The following TNR variants were observed in gnomAD, a reference collection of about 807,000 sequenced individuals.
The protein encoded by TNR is tenascin R, also known as tenascin-R.
In TNR, 45 loss-of-function variants were observed where a neutral mutation model predicts 150.4. The ratio of observed to expected loss-of-function variants is 0.30; its 90% CI spans 0.24 to 0.38. TNR has a LOEUF of 0.38. TNR is among the 10% of genes least tolerant of loss of function. TNR has a pLI of 1.00. For missense variants in TNR, 1,544 were observed against 1,759.1 expected (o/e 0.88, Z 2.19); for synonymous variants, 687 against 678.4 (o/e 1.01, Z -0.20).
chr1:175,698,214 C>T (rs1209464315), intron 1 of TNR, among the ~76,000 whole-genome samples: 3 of 152,154 alleles, frequency 2.0e-5, no homozygotes, highest in African/African-American at 7.2e-5. Context: ...TCAAACATAC[C>T]ACATGTCGGG....
chr1:175,480,309 GAAGA>G (rs757873928), intron 2 of TNR, among the ~76,000 whole-genome samples: 1 of 147,082 alleles, frequency 6.8e-6, no homozygotes, highest in African/African-American at 2.5e-5. Flanking sequence ...AAAAAATGAG[GAAGA>G]AAGAAAGAGA....
chr1:175,686,463 CT>C (rs139264272), intron 1 of TNR, among the ~76,000 whole-genome samples: 3,876 of 152,280 alleles, frequency 0.025, 167 homozygotes, highest in African/African-American at 0.088. Context: ...AACTCATTCC[CT>C]TTTGCCTACC....
At chr1:175,555,438 G>A (rs1187521513) in intron 1 of TNR, among the ~76,000 whole-genome samples, 1 of 150,486 alleles carries the variant, frequency 6.6e-6, no homozygotes, top group Non-Finnish European at 1.5e-5. Flanking sequence ...CTCTATTCCA[G>A]AGTGTTGATG....
intron 1 of TNR, among the ~76,000 whole-genome samples, chr1:175,642,385 G>A (rs1011758466): frequency 6.6e-6 from 1 of 152,208 alleles, no homozygotes; most frequent in Admixed American, 6.5e-5. Flanking sequence ...GTTAGAGGCA[G>A]GGAGTCACAG....
intron 1 of TNR, among the ~76,000 whole-genome samples, chr1:175,690,863 G>A (rs1337431728): frequency 1.3e-5 from 2 of 152,178 alleles, no homozygotes; most frequent in Admixed American, 1.3e-4. Flanking sequence ...ACATATTCTA[G>A]ATAGATTTAG....
chr1:175,426,913 T>C (rs1218167201), intron 2 of TNR, among the ~76,000 whole-genome samples: 1 of 86,124 alleles, frequency 1.2e-5, no homozygotes, highest in Non-Finnish European at 2.3e-5. Flanking sequence ...ATATTATATA[T>C]ATAAAATATA....
chr1:175,650,769 C>T (rs1210962390), intron 1 of TNR, among the ~76,000 whole-genome samples: 52 of 810 alleles, frequency 0.064, no homozygotes, highest in Admixed American at 0.13. Flanking sequence ...TACTCCTCCT[C>T]CCCGACCTCA....
chr1:175,419,291 T>C (rs925502127), intron 2 of TNR, among the ~76,000 whole-genome samples: 1 of 152,198 alleles, frequency 6.6e-6, no homozygotes, highest in East Asian at 1.9e-4. Flanking sequence ...TTAAATGTGT[T>C]CAATCTGAAT....
chr1:175,512,751 G>C (rs886349012), intron 2 of TNR, among the ~76,000 whole-genome samples: 1 of 152,200 alleles, frequency 6.6e-6, no homozygotes, highest in Non-Finnish European at 1.5e-5. Context: ...GAGATGGAGA[G>C]AGCACATCGT....
intron 2 of TNR, among the ~76,000 whole-genome samples, chr1:175,478,042 G>A (rs1339571263): frequency 6.6e-6 from 1 of 152,180 alleles, no homozygotes; most frequent in East Asian, 1.9e-4. Context: ...ATTCACTTGG[G>A]CAAAGCATAA....
chr1:175,497,818 G>A (rs1427109385), intron 2 of TNR, among the ~76,000 whole-genome samples: 3 of 152,160 alleles, frequency 2.0e-5, no homozygotes, highest in Non-Finnish European at 4.4e-5. Context: ...CTAGCACTTT[G>A]GGAGGCCGAG....
chr1:175,715,076 GAAAAC>G (rs1026074178), intron 1 of TNR, among the ~76,000 whole-genome samples: 1 of 152,192 alleles, frequency 6.6e-6, no homozygotes, highest in Non-Finnish European at 1.5e-5. Flanking sequence ...GCATCCTGTG[GAAAAC>G]AGACACATAA....
At position 175,433,696 on chromosome 1, in the gene TNR, C is replaced by A. The variant is rs1431526670; in HGVS notation, c.-63-26919G>T. 3.3e-5 allele frequency among the ~76,000 whole-genome samples: 5 copies of A among 152,290 alleles called. 1 individual carries two copies. In the South Asian group the frequency reaches 1.0e-3, roughly 32 times the overall value. On this transcript the variant is annotated intron_variant, in intron 2 of 22. Transcript: ENST00000367674. ...GACTTTGCTGGCTGTGTTGTATGTA[C>A]ATTCATAAAGTGATTTACAGTTCCC... is the stretch of plus-strand genomic sequence containing the variant.
intron 1 of TNR, among the ~76,000 whole-genome samples, chr1:175,669,897 T>G (rs1665643718): frequency 6.6e-6 from 1 of 152,234 alleles, no homozygotes; most frequent in Non-Finnish European, 1.5e-5. Context: ...GGACTCTCTC[T>G]GCACCTTGCT....
At chr1:175,634,592 T>C (rs944269766) in intron 1 of TNR, among the ~76,000 whole-genome samples, 1 of 152,152 alleles carries the variant, frequency 6.6e-6, no homozygotes, top group African/African-American at 2.4e-5. Flanking sequence ...GGACTTAGTA[T>C]GTGGGAGCAC....
chr1:175,522,253 A>G (rs1413838767), intron 2 of TNR, among the ~76,000 whole-genome samples: 1 of 152,222 alleles, frequency 6.6e-6, no homozygotes, highest in Non-Finnish European at 1.5e-5. Context: ...TGTGTCTAAG[A>G]GTGAAAACTC....
chr1:175,352,471 G>C (rs148533907), intron 18 of TNR, among the ~76,000 whole-genome samples: 5 of 152,220 alleles, frequency 3.3e-5, no homozygotes, highest in Non-Finnish European at 7.3e-5. Context: ...GGGTCTTTAA[G>C]TGGTAGCGTG....
chr1:175,515,325 G>A (rs750082864), intron 2 of TNR, among the ~76,000 whole-genome samples: 8 of 152,290 alleles, frequency 5.3e-5, no homozygotes, highest in Admixed American at 2.0e-4. Flanking sequence ...CTGTGCTCCC[G>A]CATATAGTAT....
At chr1:175,600,100 A>G (rs906997768) in intron 1 of TNR, among the ~76,000 whole-genome samples, 1 of 152,218 alleles carries the variant, frequency 6.6e-6, no homozygotes, top group Non-Finnish European at 1.5e-5. Flanking sequence ...TTGGAACCCC[A>G]GTTTTACCAC....
Sources: gnomAD v4.1 joint callset for allele counts (sites outside exome capture counted in the v4.1 genomes callset) on GRCh38, gnomAD v4.1.1 for gene constraint, MANE v1.5 for transcripts, NCBI Gene and HGNC (gene_info 2026-07-23, HGNC 2026-07-21) for gene names.